Variants in GLI2 observed in about 807,000 individuals in gnomAD.
GLI2 encodes the protein transcription activator GLI2.
GLI2 carries 22 observed loss-of-function variants against 78.9 expected under a neutral mutation model. That is an observed-to-expected ratio of 0.28 (90% confidence interval 0.20 to 0.40). The LOEUF is 0.40. GLI2 is among the 10% of genes least tolerant of loss of function. The pLI, the probability that GLI2 is intolerant of heterozygous loss-of-function variation, is 1.00. For missense variants in GLI2, 2,097 were observed against 2,213.2 expected, an observed-to-expected ratio of 0.95 and a Z score of 1.05; for synonymous variants, 974 against 963.7, an observed-to-expected ratio of 1.01 and a Z score of -0.20.
chr2:120,860,842 C>G (rs977612537), intron 2 of GLI2, among the ~76,000 whole-genome samples: 1 of 152,110 alleles, frequency 6.6e-6, no homozygotes, highest in Non-Finnish European at 1.5e-5. Flanking sequence ...GACCCTGGCT[C>G]GGCCACTTGG....
intron 1 of GLI2, among the ~76,000 whole-genome samples, chr2:120,750,258 C>T (rs953883379): frequency 2.6e-5 from 4 of 152,258 alleles, no homozygotes; most frequent in African/African-American, 9.6e-5. Context: ...GGCTAGCTCA[C>T]CACCCCCTTT....
chr2:120,802,743 A>C (rs1684761384), intron 2 of GLI2, among the ~76,000 whole-genome samples: 1 of 152,190 alleles, frequency 6.6e-6, no homozygotes, highest in South Asian at 2.1e-4. Context: ...TAGTTTCTGG[A>C]ATCAAGCAGC....
chr2:120,779,963 A>C (rs1683789394), intron 1 of GLI2, among the ~76,000 whole-genome samples: 1 of 152,072 alleles, frequency 6.6e-6, no homozygotes, highest in Non-Finnish European at 1.5e-5. Flanking sequence ...GTTTGTGTTT[A>C]GGCAAATGGG....
intron 3 of GLI2, among the ~76,000 whole-genome samples, chr2:120,937,878 T>C (rs1475235621): frequency 1.3e-5 from 2 of 152,202 alleles, no homozygotes; most frequent in South Asian, 2.1e-4. Flanking sequence ...GAGGAGTTTC[T>C]ATCCAGCCCG....
At chr2:120,815,548 A>G (rs939195905) in intron 2 of GLI2, among the ~76,000 whole-genome samples, 4 of 152,154 alleles carry the variant, frequency 2.6e-5, no homozygotes, top group African/African-American at 9.7e-5. Flanking sequence ...CACGGGATTG[A>G]GCCTGAGCTC....
intron 3 of GLI2, among the ~76,000 whole-genome samples, chr2:120,948,012 G>A (rs868062017): frequency 3.3e-5 from 5 of 152,216 alleles, no homozygotes; most frequent in Admixed American, 6.5e-5. Flanking sequence ...CTGTTCTGGG[G>A]TAGGATAGTG....
At chr2:120,886,011 G>A (rs1054738354) in intron 2 of GLI2, among the ~76,000 whole-genome samples, 41 of 152,112 alleles carry the variant, frequency 2.7e-4, no homozygotes, top group African/African-American at 9.2e-4. Flanking sequence ...ATGCATTAGC[G>A]TGCCATCCTC....
intron 2 of GLI2, among the ~76,000 whole-genome samples, chr2:120,924,047 G>A (rs573729635): frequency 1.3e-5 from 2 of 152,208 alleles, no homozygotes; most frequent in African/African-American, 2.4e-5. Context: ...TGGGGGTAGG[G>A]TGGGGTGGTC....
chr2:120,890,912 C>T (rs1677651552), intron 2 of GLI2, among the ~76,000 whole-genome samples: 1 of 152,144 alleles, frequency 6.6e-6, no homozygotes, highest in South Asian at 2.1e-4. Flanking sequence ...GGATGTGTGT[C>T]CTCCAGTTCT....
chr2:120,859,950 G>A (rs2104637326), intron 2 of GLI2, among the ~76,000 whole-genome samples: 1 of 152,280 alleles, frequency 6.6e-6, no homozygotes, highest in South Asian at 2.1e-4. Context: ...ACCATGCCCG[G>A]CCAATACTCC....
chr2:120,905,390 G>A (rs1341234191), intron 2 of GLI2, among the ~76,000 whole-genome samples: 4 of 152,176 alleles, frequency 2.6e-5, no homozygotes, highest in Admixed American at 6.5e-5. Context: ...AGGGGCCAGC[G>A]TGCCGACTTC....
intron 2 of GLI2, among the ~76,000 whole-genome samples, chr2:120,918,177 T>C (rs1039433965): frequency 9.9e-5 from 15 of 152,210 alleles, no homozygotes; most frequent in African/African-American, 3.6e-4. Context: ...AAACCCTGTG[T>C]ATGTCAAGGC....
intron 1 of GLI2, among the ~76,000 whole-genome samples, chr2:120,791,985 G>A (rs1229575214): frequency 5.9e-5 from 9 of 152,110 alleles, no homozygotes; most frequent in Admixed American, 4.6e-4. Context: ...CACGCATGCC[G>A]CACGACTGAG....
intron 2 of GLI2, among the ~76,000 whole-genome samples, chr2:120,814,487 A>T (rs1434804704): frequency 6.6e-6 from 1 of 152,192 alleles, no homozygotes; most frequent in East Asian, 1.9e-4. Context: ...ATCAGATTTC[A>T]TGCTGAGAGC....
intron 2 of GLI2, among the ~76,000 whole-genome samples, chr2:120,910,219 G>T (rs1471014481): frequency 6.6e-6 from 1 of 152,138 alleles, no homozygotes; most frequent in Non-Finnish European, 1.5e-5. Flanking sequence ...AAGCCGTTTG[G>T]GGCCTCCCGG....
At chr2:120,856,915 G>T (rs1446189124) in intron 2 of GLI2, among the ~76,000 whole-genome samples, 1 of 152,112 alleles carries the variant, frequency 6.6e-6, no homozygotes. Flanking sequence ...GGGTTGAACT[G>T]GGCCCAGAGG....
At chr2:120,793,329 G>T (rs1433012283) in intron 1 of GLI2, among the ~76,000 whole-genome samples, 1 of 152,258 alleles carries the variant, frequency 6.6e-6, no homozygotes, top group Non-Finnish European at 1.5e-5. Context: ...CTCCTTCCCT[G>T]TGGTAGGTGC....
chr2:120,931,528 G>C (rs748749935), intron 3 of GLI2, among the ~76,000 whole-genome samples: 3 of 152,222 alleles, frequency 2.0e-5, no homozygotes, highest in Non-Finnish European at 4.4e-5. Context: ...CTTGGGGGCT[G>C]TTATTCAGGT....
chr2:120,849,344 T>C (rs1478195363), intron 2 of GLI2, among the ~76,000 whole-genome samples: 1 of 152,246 alleles, frequency 6.6e-6, no homozygotes, highest in East Asian at 1.9e-4. Context: ...TTTACCATCA[T>C]TTTAAAAAAA....
Sources: allele counts gnomAD v4.1 joint callset (sites outside exome capture counted in the v4.1 genomes callset), GRCh38; gene constraint gnomAD v4.1.1; transcripts MANE v1.5; gene names NCBI Gene and HGNC (gene_info 2026-07-23, HGNC 2026-07-21).